Variants in GCGR observed in about 807,000 individuals in gnomAD.
GCGR encodes glucagon receptor.
Under a neutral mutation model 56.1 loss-of-function variants are expected in GCGR, and 41 were observed. The observed-to-expected ratio is 0.73, with a 90% confidence interval of 0.57 to 0.95. The LOEUF (loss-of-function observed/expected upper bound fraction) is 0.95, where lower values mean the gene tolerates loss of function less well. Ranked by LOEUF, GCGR falls within the 40% of genes least tolerant of loss-of-function variation. The probability of loss-of-function intolerance (pLI) is 0.00; values close to 1 mark genes in which losing one functional copy is unlikely to be tolerated. For missense variants in GCGR, 595 were observed against 638.2 expected (o/e 0.93, Z 0.73); for synonymous variants, 278 against 271.1 (o/e 1.03, Z -0.25).
Position 81,812,072 on chromosome 17 carries a change from C to T in GCGR, c.879-111C>T. ...GGGAGGGGGTCATTTGTGACCTTCT[C>T]CCTTCCTTTTCTGAGACCCGAATTA... is the stretch of plus-strand genomic sequence containing the variant. On this transcript the variant is annotated intron_variant, in intron 9 of 13. Coordinates refer to ENST00000400723, the MANE Select transcript of GCGR (RefSeq NM_000160.5). The surrounding 1 kb of genome is among the most constrained non-coding windows in gnomAD (Gnocchi z 8.5). 1 of 1,508,920 alleles carries T rather than the reference C, an allele frequency of 6.6e-7. No individual in the cohort carries two copies. Among genetic ancestry groups the T allele is most frequent in the Non-Finnish European group, 8.9e-7 (1 of 1,123,154 alleles). 93.5% of individuals were successfully genotyped at this position (1,508,920 alleles called of 1,614,324 possible). A position where few individuals can be genotyped will look rare whatever the true frequency, so the allele number is the denominator to read the frequency against.
At position 81,809,546 on chromosome 17, in the gene GCGR, CCTGT is replaced by C. The variant is rs1315033038; in HGVS notation, c.61-228_61-225del. Among the ~76,000 whole-genome samples, 21 of 141,476 alleles carry C rather than the reference CCTGT, an allele frequency of 1.5e-4. No homozygotes were observed. In the South Asian group the frequency reaches 1.9e-3, roughly 13 times the overall value. The allele number at this position is 141,476 out of a possible 152,430, so 92.8% of individuals were successfully genotyped here. On this transcript the variant is annotated intron_variant, in intron 2 of 13. Coordinates refer to ENST00000400723, the MANE Select transcript of GCGR (RefSeq NM_000160.5). The stretch of plus-strand genomic sequence containing the variant: ...GCCTGTCTGCCTGTCTGCCCGTCTG[CCTGT>C]CTGTCTGCCTGTCCGTCTGCCTGTC...
At position 81,808,094 on chromosome 17, in the gene GCGR, G is replaced by A. The variant is rs148651190; in HGVS notation, c.-177-748G>A. On this transcript the variant is annotated intron_variant, in intron 1 of 13. Transcript: ENST00000400723. The stretch of plus-strand genomic sequence containing the variant: ...GAGGCACCTAGGCACCCCGGTGCTG[G>A]GCAGGGGGCACACATGTGACACAGA... 2.2e-3 allele frequency among the ~76,000 whole-genome samples: 341 copies of A among 152,368 alleles called. 1 individual carries two copies. The highest frequency in any genetic ancestry group is 7.6e-3 in the African/African-American group (316 of 41,584).
In GCGR at chr17:81,812,312, C is replaced by A; in HGVS notation, c.948+60C>A. ...CCCCTCCTCCCTTGGCGTCCTGAGG[C>A]TGCCCCAGGAGACAGCAGCATCCTG... On this transcript the variant is annotated intron_variant, in intron 10 of 13. Coordinates refer to ENST00000400723, the MANE Select transcript of GCGR (RefSeq NM_000160.5). This position sits in a 1 kb window ranked among gnomAD's most constrained non-coding sequence, Gnocchi z 8.5. The A allele has an allele frequency of 6.6e-7, 1 of 1,515,442 alleles. No homozygotes were observed. Among genetic ancestry groups the A allele is most frequent in the Non-Finnish European group, 8.9e-7 (1 of 1,129,786 alleles). 93.9% of individuals were successfully genotyped at this position (1,515,442 alleles called of 1,614,324 possible).
In GCGR at chr17:81,804,667, C is replaced by G. The variant is rs1451795574; in HGVS notation, c.-178+418C>G. On this transcript the variant is annotated intron_variant, in intron 1 of 13. Coordinates refer to ENST00000400723, the MANE Select transcript of GCGR (RefSeq NM_000160.5). This position sits in a 1 kb window ranked among gnomAD's most constrained non-coding sequence, Gnocchi z 8.2. ...AGGCGCGGGGTCTCACCAGCGCTGTCTCCCCTCGGTGGGCTCCTGCCCCGA... is the reference window on the plus strand; with the variant it reads ...AGGCGCGGGGTCTCACCAGCGCTGTGTCCCCTCGGTGGGCTCCTGCCCCGA... 2.0e-5 allele frequency among the ~76,000 whole-genome samples: 3 copies of G among 152,088 alleles called. No homozygotes were observed. Among genetic ancestry groups the G allele is most frequent in the Non-Finnish European group, 4.4e-5 (3 of 67,978 alleles).
chr17:81,812,694 G>A lies in GCGR; in HGVS notation c.1037+29G>A, dbSNP rs1301254213. 1 of 1,531,036 alleles carries A rather than the reference G, an allele frequency of 6.5e-7. No homozygotes were observed. The highest frequency in any genetic ancestry group is 2.0e-5 in the Admixed American group (1 of 50,870). The allele number at this position is 1,531,036 out of a possible 1,614,324, so 94.8% of individuals were successfully genotyped here. A position where few individuals can be genotyped will look rare whatever the true frequency, so the allele number is the denominator to read the frequency against. ...GGTGCCGCGGCAGCTGGCGTCTCGA[G>A]ACCTGGAGACCCTCAGGGCCAGAGG... is the stretch of plus-strand genomic sequence containing the variant. On this transcript the variant is annotated intron_variant, in intron 11 of 13. Transcript: ENST00000400723. This position sits in a 1 kb window ranked among gnomAD's most constrained non-coding sequence, Gnocchi z 8.5.
Position 81,810,320 on chromosome 17 carries a change from G to C in GCGR, c.163+436G>C. ...ATAGGGCTGGAGGACTCACCCGGGAGGCAGTGCCTGGGTTCGGATGAGGGA... is the reference window on the plus strand; with the variant it reads ...ATAGGGCTGGAGGACTCACCCGGGACGCAGTGCCTGGGTTCGGATGAGGGA... On this transcript the variant is annotated intron_variant, in intron 3 of 13. Coordinates refer to ENST00000400723, the MANE Select transcript of GCGR (RefSeq NM_000160.5). The surrounding 1 kb of genome is among the most constrained non-coding windows in gnomAD (Gnocchi z 4.6). 3.0e-6 allele frequency: 1 copy of C among 329,860 alleles called. No homozygotes were observed. Among genetic ancestry groups the C allele is most frequent in the South Asian group, 2.8e-5 (1 of 35,512 alleles). 20.4% of individuals were successfully genotyped at this position (329,860 alleles called of 1,614,324 possible). A position where few individuals can be genotyped will look rare whatever the true frequency, so the allele number is the denominator to read the frequency against.
rs1453163537 is a variant in GCGR at position 81,810,526 on chromosome 17, T to C, written c.164-299T>C. Reference sequence around the variant, plus strand: ...GGAGAATGGGGGACCCCAGTGTGGGTTTGGGGCACATTTGAGATGGGGGGT... The same window carrying C: ...GGAGAATGGGGGACCCCAGTGTGGGCTTGGGGCACATTTGAGATGGGGGGT... On this transcript the variant is annotated intron_variant, in intron 3 of 13. Transcript: ENST00000400723. The surrounding 1 kb of genome is among the most constrained non-coding windows in gnomAD (Gnocchi z 4.6). 3.9e-6 allele frequency: 2 copies of C among 513,508 alleles called. No homozygotes were observed. The allele number at this position is 513,508 out of a possible 1,614,324, so 31.8% of individuals were successfully genotyped here.
intron 2 of GCGR, 65 bp downstream of exon 2, chr17:81,809,143 T>C: frequency 6.7e-7 from 1 of 1,501,970 alleles, no homozygotes. Flanking sequence ...CTGATGGCTC[T>C]CTGTCTGCCT....
At chr17:81,807,024 C>A (rs1208722213) in intron 1 of GCGR, among the ~76,000 whole-genome samples, 1 of 152,208 alleles carries the variant, frequency 6.6e-6, no homozygotes, top group Non-Finnish European at 1.5e-5. Flanking sequence ...GGAGAGGCGG[C>A]TCCTGCTGCT....
Position 81,811,803 on chromosome 17 carries a change from C to T in GCGR, c.810C>T (p.Ile270=), listed in dbSNP as rs368152053. ...ERSFFSLYLG[I]GWGAPMLFVV... ...GCTTCTTCAGCCTCTACCTGGGCAT[C>T]GGCTGGGGTGAGTGGGCTGGCATGA... is the stretch of plus-strand genomic sequence containing the variant. Residue 270 remains isoleucine, a synonymous_variant, in exon 8 of 14, where the codon ATC becomes ATT. Coordinates refer to ENST00000400723, the MANE Select transcript of GCGR (RefSeq NM_000160.5). This position sits in a 1 kb window ranked among gnomAD's most constrained non-coding sequence, Gnocchi z 5.8. 1.8e-3 allele frequency: 2,779 copies of T among 1,537,198 alleles called. 4 individuals are homozygous for T. The highest frequency in any genetic ancestry group is 1.9e-3 in the Non-Finnish European group (2,215 of 1,146,958).
rs762562348 is a variant in GCGR at position 81,812,594 on chromosome 17, C to G, written c.966C>G (p.Phe322Leu). Residue 322 changes from phenylalanine to leucine, a missense_variant, in exon 11 of 14, where the codon TTC (phenylalanine) becomes TTG (leucine). Coordinates refer to ENST00000400723, the MANE Select transcript of GCGR (RefSeq NM_000160.5). The surrounding 1 kb of genome is among the most constrained non-coding windows in gnomAD (Gnocchi z 8.5). ...FLAILINFFIFVRIVQLLVAK... is the reference protein window; with the variant it reads ...FLAILINFFILVRIVQLLVAK... The stretch of plus-strand genomic sequence containing the variant: ...TCACACAGATCAACTTCTTCATCTT[C>G]GTCCGCATCGTTCAGCTGCTCGTGG... The G allele has an allele frequency of 9.7e-5, 149 of 1,536,454 alleles. 1 individual carries two copies. The highest frequency in any genetic ancestry group is 2.2e-5 in the Non-Finnish European group (25 of 1,146,784).
rs571317482 is a variant in GCGR at position 81,813,590 on chromosome 17, C to T, written c.1335C>T (p.Ser445=). ...CTTCGCCCGGCCACGGCCCTCCCAG[C>T]AAGGAGCTGCAGTTTGGGAGGGGTG... ...ASSSPGHGPP[S]KELQFGRGGG... Residue 445 remains serine, a synonymous_variant, in exon 14 of 14, where the codon AGC becomes AGT. Transcript: ENST00000400723. The surrounding 1 kb of genome is among the most constrained non-coding windows in gnomAD (Gnocchi z 5.3). 6.5e-7 allele frequency: 1 copy of T among 1,536,596 alleles called. No homozygotes were observed. The highest frequency in any genetic ancestry group is 1.2e-5 in the South Asian group (1 of 84,064).
At chr17:81,807,847 A>G (rs2037994589) in intron 1 of GCGR, among the ~76,000 whole-genome samples, 1 of 151,938 alleles carries the variant, frequency 6.6e-6, no homozygotes, top group Non-Finnish European at 1.5e-5. Flanking sequence ...GCCACCCCGA[A>G]CTCCCAGCTC....
chr17:81,809,205 T>C lies in GCGR; in HGVS notation c.60+127T>C, dbSNP rs1003013352. The C allele has an allele frequency of 6.2e-6, 7 of 1,126,414 alleles. No individual in the cohort carries two copies. In the African/African-American group the frequency reaches 9.2e-5, roughly 15 times the overall value. 69.8% of individuals were successfully genotyped at this position (1,126,414 alleles called of 1,614,324 possible). On this transcript the variant is annotated intron_variant, in intron 2 of 13. Coordinates refer to ENST00000400723, the MANE Select transcript of GCGR (RefSeq NM_000160.5). Reference sequence around the variant, plus strand: ...CTGTCTGTCTGTCTGCCCGTCTGCCTGCCCATCTGCCTGTCTGTCTGCCTG... The same window carrying C: ...CTGTCTGTCTGTCTGCCCGTCTGCCCGCCCATCTGCCTGTCTGTCTGCCTG...
Position 81,804,530 on chromosome 17 carries a change from GCTGGCCGC to G in GCGR, c.-178+287_-178+294del, listed in dbSNP as rs979792886. On this transcript the variant is annotated intron_variant, in intron 1 of 13. Transcript: ENST00000400723. The surrounding 1 kb of genome is among the most constrained non-coding windows in gnomAD (Gnocchi z 8.2). ...GGGCGCGGCTGGGGGCGGGGGTGTC[GCTGGCCGC>G]CTGGCGCCCTGCGGCGGCCACACTG... 6.4e-4 allele frequency among the ~76,000 whole-genome samples: 97 copies of G among 151,964 alleles called. 1 individual carries two copies. The highest frequency in any genetic ancestry group is 2.2e-3 in the African/African-American group (91 of 41,500).
At position 81,809,778 on chromosome 17, in the gene GCGR, C is replaced by A; in HGVS notation, c.61-4C>A. 6.5e-7 allele frequency: 1 copy of A among 1,535,128 alleles called. No homozygotes were observed. The highest frequency in any genetic ancestry group is 2.4e-5 in the East Asian group (1 of 40,874). On this transcript the variant is annotated splice_region_variant and splice_polypyrimidine_tract_variant and intron_variant, in intron 2 of 13. Coordinates refer to ENST00000400723, the MANE Select transcript of GCGR (RefSeq NM_000160.5). Reference sequence around the variant, plus strand: ...GTCTGGTTGCTTGTGCATGTGTCCCCCAGCCACAGGTCCCCTCCGCTCAGG... The same window carrying A: ...GTCTGGTTGCTTGTGCATGTGTCCCACAGCCACAGGTCCCCTCCGCTCAGG...
chr17:81,807,269 T>C (rs898234436), intron 1 of GCGR, among the ~76,000 whole-genome samples: 1 of 152,218 alleles, frequency 6.6e-6, no homozygotes, highest in Non-Finnish European at 1.5e-5. Flanking sequence ...GCTCAGGAAC[T>C]GGGGATCAGC....
At chr17:81,805,493 G>GCC (rs1161913564) in intron 1 of GCGR, among the ~76,000 whole-genome samples, 1 of 147,914 alleles carries the variant, frequency 6.8e-6, no homozygotes. Context: ...CACCTCGGGA[G>GCC]CCCCCCCATT....
At position 81,809,826 on chromosome 17, in the gene GCGR, G is replaced by C; in HGVS notation, c.105G>C (p.Lys35Asn). ...AGGTGATGGACTTCCTGTTTGAGAA[G>C]TGGAAGCTCTACGGTGACCAGTGTC... ...SAQVMDFLFE[K>N]WKLYGDQCHH... The change falls in exon 3 of 14, where the codon AAG becomes AAC. Residue 35 changes from lysine to asparagine, a missense_variant. Lys to Asn is a moderately conservative substitution (Grantham distance 94). Coordinates refer to ENST00000400723, the MANE Select transcript of GCGR (RefSeq NM_000160.5). 1.3e-6 allele frequency: 2 copies of C among 1,536,700 alleles called. No individual in the cohort carries two copies. The highest frequency in any genetic ancestry group is 1.7e-6 in the Non-Finnish European group (2 of 1,146,878).
Sources: gnomAD v4.1 joint callset for allele counts (sites outside exome capture counted in the v4.1 genomes callset) on GRCh38, gnomAD v4.1.1 for gene constraint, Gnocchi (gnomAD v3.1) non-coding constraint, MANE v1.5 for transcripts, NCBI Gene and HGNC (gene_info 2026-07-23, HGNC 2026-07-21) for gene names.